SGSM2: variants seen among roughly 807,000 people sequenced by gnomAD.
The protein encoded by SGSM2 is RUN and TBC1 domain containing 1.
A neutral mutation model predicts 126.6 loss-of-function variants in SGSM2; 89 were observed. That is an observed-to-expected ratio of 0.70 (90% CI 0.59 to 0.84). The LOEUF is 0.84. Ranked by LOEUF, SGSM2 falls within the 40% of genes least tolerant of loss-of-function variation. The probability of loss-of-function intolerance (pLI) is 0.00; values close to 1 mark genes in which losing one functional copy is unlikely to be tolerated. For missense variants in SGSM2, 1,404 were observed against 1,416.6 expected, an observed-to-expected ratio of 0.99 and a Z score of 0.14; for synonymous variants, 614 against 574.3, an observed-to-expected ratio of 1.07 and a Z score of -0.99.
At chr17:2,371,534 C>T (rs2065872988) in intron 13 of SGSM2, 119 bp downstream of exon 13, 1 of 1,281,962 alleles carries the variant, frequency 7.8e-7, no homozygotes, top group East Asian at 2.5e-5. Context: ...TGGGACAGAT[C>T]TGGGTTCAAA....
At chr17:2,369,456 G>C (rs997613354) in intron 12 of SGSM2, among the ~76,000 whole-genome samples, 2 of 152,166 alleles carry the variant, frequency 1.3e-5, no homozygotes, top group African/African-American at 4.8e-5. Flanking sequence ...TCAGAGGAGA[G>C]AGTCAGAGTC....
At chr17:2,368,625 T>G (rs1264711782) in intron 12 of SGSM2, among the ~76,000 whole-genome samples, 2 of 152,160 alleles carry the variant, frequency 1.3e-5, no homozygotes, top group Non-Finnish European at 2.9e-5. Flanking sequence ...AGCTGCCAGC[T>G]GCCCTCCTAC....
rs2064151388 is a variant in SGSM2 at position 2,337,884 on chromosome 17, G to T, written c.57+139G>T. On this transcript the variant is annotated intron_variant, in intron 1 of 23. Transcript: ENST00000268989. This position sits in a 1 kb window ranked among gnomAD's most constrained non-coding sequence, Gnocchi z 5.1. Reference sequence around the variant, plus strand: ...GCGGGGCGGGTCCTGGACGGGCTGCGCCTCCTTCCCCTTTCTCGGATGGGG... The same window carrying T: ...GCGGGGCGGGTCCTGGACGGGCTGCTCCTCCTTCCCCTTTCTCGGATGGGG... 2.2e-6 allele frequency: 1 copy of T among 449,076 alleles called. No individual in the cohort carries two copies. The allele number at this position is 449,076 out of a possible 1,614,324, so 27.8% of individuals were successfully genotyped here. A position where few individuals can be genotyped will look rare whatever the true frequency, so the allele number is the denominator to read the frequency against.
chr17:2,338,240 G>C (rs969266701), intron 1 of SGSM2, among the ~76,000 whole-genome samples: 3 of 152,154 alleles, frequency 2.0e-5, no homozygotes, highest in African/African-American at 7.2e-5. Flanking sequence ...GATCGCTGCC[G>C]GAGGGGTGCG....
In SGSM2 at chr17:2,375,912, C is replaced by G. The variant is rs758180247; in HGVS notation, c.2484+37C>G. The G allele has an allele frequency of 3.2e-5, 48 of 1,508,934 alleles. No individual in the cohort carries two copies. The African/African-American group carries it at 6.4e-4, about 20-fold the overall frequency. The allele number at this position is 1,508,934 out of a possible 1,614,324, so 93.5% of individuals were successfully genotyped here. On this transcript the variant is annotated intron_variant, in intron 18 of 23. Coordinates refer to ENST00000268989, the MANE Select transcript of SGSM2 (RefSeq NM_014853.3). Reference sequence around the variant, plus strand: ...CTCCCCAGGCTGTTCCCAGCCGCCCCAGAGGCCCTCCTGACATCCCAGAGC... The same window carrying G: ...CTCCCCAGGCTGTTCCCAGCCGCCCGAGAGGCCCTCCTGACATCCCAGAGC...
Position 2,373,051 on chromosome 17 carries a change from G to A in SGSM2, c.1887G>A (p.Lys629=). The change falls in exon 16 of 24, where the codon AAG becomes AAA. Residue 629 remains lysine, a synonymous_variant. Coordinates refer to ENST00000268989, the MANE Select transcript of SGSM2 (RefSeq NM_014853.3). The stretch of plus-strand genomic sequence containing the variant: ...GGCCCTTTCTGCTTGGCCACTACAA[G>A]TTCGGCATGAGCAAGAAGGAGATGG... ...DVWPFLLGHY[K]FGMSKKEMEQ... The A allele has an allele frequency of 6.2e-7, 1 of 1,610,318 alleles. No homozygotes were observed. The highest frequency in any genetic ancestry group is 8.5e-7 in the Non-Finnish European group (1 of 1,178,668).
intron 1 of SGSM2, among the ~76,000 whole-genome samples, chr17:2,340,370 G>A (rs2064295485): frequency 6.6e-6 from 1 of 152,020 alleles, no homozygotes; most frequent in Admixed American, 6.6e-5. Context: ...CCAAGGTGCT[G>A]GGATTACAGG....
In SGSM2 at chr17:2,362,028, A is replaced by G; in HGVS notation, c.297-81A>G. ...GTTCTCTGTGCTCCCATCTTGGGGT[A>G]CCAAGCCCCACTCCCAATGCCAGCA... On this transcript the variant is annotated intron_variant, in intron 3 of 23. Transcript: ENST00000268989. This position sits in a 1 kb window ranked among gnomAD's most constrained non-coding sequence, Gnocchi z 4.9. 7.9e-6 allele frequency: 12 copies of G among 1,509,496 alleles called. No homozygotes were observed. Among genetic ancestry groups the G allele is most frequent in the Non-Finnish European group, 1.1e-5 (12 of 1,123,618 alleles). The allele number at this position is 1,509,496 out of a possible 1,614,324, so 93.5% of individuals were successfully genotyped here. A position where few individuals can be genotyped will look rare whatever the true frequency, so the allele number is the denominator to read the frequency against.
chr17:2,367,272 C>G lies in SGSM2; in HGVS notation c.1290C>G (p.Ile430Met). 6.2e-7 allele frequency: 1 copy of G among 1,612,510 alleles called. No individual in the cohort carries two copies. The highest frequency in any genetic ancestry group is 8.5e-7 in the Non-Finnish European group (1 of 1,179,356). ...IIYPGHRHEH[I>M]TINYHHLAAS... ...CCTCTCGCTGTTCTCTTTGAGCAGT[C>G]ACTATTAACTACCACCACCTAGCGG... The change falls in exon 12 of 24, where the codon ATC (isoleucine) becomes ATG (methionine). Residue 430 changes from isoleucine (I) to methionine (M), a missense_variant and splice_region_variant. Transcript: ENST00000268989. The surrounding 1 kb of genome is among the most constrained non-coding windows in gnomAD (Gnocchi z 4.0).
Position 2,368,451 on chromosome 17 carries a change from C to T in SGSM2, c.1423+1046C>T, listed in dbSNP as rs888834792. Among the ~76,000 whole-genome samples the T allele has an allele frequency of 2.0e-5, 3 of 152,186 alleles. 1 individual carries two copies. The highest frequency in any genetic ancestry group is 2.0e-4 in the Admixed American group (3 of 15,278). ...AAAATCAATTGCTTCTCCCTTTCCC[C>T]GCCCCTGCAGAGGATGTCCTCAGAA... On this transcript the variant is annotated intron_variant, in intron 12 of 23. Coordinates refer to ENST00000268989, the MANE Select transcript of SGSM2 (RefSeq NM_014853.3).
At chr17:2,371,987 G>T (rs1032815068) in intron 13 of SGSM2, 6 of 583,550 alleles carry the variant, frequency 1.0e-5, no homozygotes, top group Non-Finnish European at 1.8e-5. Flanking sequence ...GGTGGTTGGG[G>T]GCCAGGCGGG....
Position 2,375,688 on chromosome 17 carries a change from C to A in SGSM2, c.2297C>A (p.Ser766Ter). The A allele has an allele frequency of 6.2e-7, 1 of 1,613,870 alleles. No homozygotes were observed. Among genetic ancestry groups the A allele is most frequent in the South Asian group, 1.1e-5 (1 of 91,072 alleles). ...RNYSVASGIQ[S>*]SLDEGQSVGF... ...TACTCCGTGGCCTCGGGCATCCAGT[C>A]AAGCCTAGATGAGGGGCAGAGCGTG... Residue 766 changes from serine to a stop codon, truncating the protein, a stop_gained, in exon 18 of 24, where the codon TCA becomes TAA. Coordinates refer to ENST00000268989, the MANE Select transcript of SGSM2 (RefSeq NM_014853.3). LOFTEE classifies it high-confidence loss of function.
Position 2,367,137 on chromosome 17 carries a change from C to T in SGSM2, c.1289-134C>T. The T allele has an allele frequency of 1.9e-6, 2 of 1,042,668 alleles. No individual in the cohort carries two copies. Among genetic ancestry groups the T allele is most frequent in the Non-Finnish European group, 2.7e-6 (2 of 742,696 alleles). 64.6% of individuals were successfully genotyped at this position (1,042,668 alleles called of 1,614,324 possible). A position where few individuals can be genotyped will look rare whatever the true frequency, so the allele number is the denominator to read the frequency against. On this transcript the variant is annotated intron_variant, in intron 11 of 23. Transcript: ENST00000268989. This position sits in a 1 kb window ranked among gnomAD's most constrained non-coding sequence, Gnocchi z 4.0. ...ATCATCCAAAGAGCTTTCTGGTCCC[C>T]TCCCTTCCCCTCTTCTGTGCCCTGC...
intron 2 of SGSM2, among the ~76,000 whole-genome samples, chr17:2,352,793 T>C: frequency 8.4e-6 from 1 of 118,640 alleles, no homozygotes; most frequent in South Asian, 2.8e-4. Flanking sequence ...TTTTTTTTTT[T>C]TTGAGACGGA....
At chr17:2,346,994 T>G (rs1449289039) in intron 2 of SGSM2, among the ~76,000 whole-genome samples, 1 of 152,028 alleles carries the variant, frequency 6.6e-6, no homozygotes, top group Non-Finnish European at 1.5e-5. Flanking sequence ...GAGGCTGAGG[T>G]AGGAGGATCA....
At chr17:2,359,935 C>T (rs143913182) in intron 2 of SGSM2, among the ~76,000 whole-genome samples, 1 of 152,266 alleles carries the variant, frequency 6.6e-6, no homozygotes, top group African/African-American at 2.4e-5. Context: ...CAGCCCAGGA[C>T]CAAGAGACTG....
chr17:2,340,647 C>T (rs1240424047), intron 1 of SGSM2, among the ~76,000 whole-genome samples: 2 of 151,412 alleles, frequency 1.3e-5, no homozygotes, highest in Non-Finnish European at 2.9e-5. Flanking sequence ...TGCCGTGGCG[C>T]CATCTCAGCT....
In SGSM2 at chr17:2,362,260, GAAAACTGCAGGTGACCGCCCCGTTCCCCA is replaced by G. The variant is rs2065343231; in HGVS notation, c.458+7_458+35del. 3 of 1,610,514 alleles carry G rather than the reference GAAAACTGCAGGTGACCGCCCCGTTCCCCA, an allele frequency of 1.9e-6. No individual in the cohort carries two copies. Among genetic ancestry groups the G allele is most frequent in the African/African-American group, 2.7e-5 (2 of 74,608 alleles). ...GGACAAGGTCGTGCAATACCTGGCG[GAAAACTGCAGGTGACCGCCCCGTTCCCCA>G]AAAACTGCAGGTGACCACCCCGTTC... On this transcript the variant is annotated splice_donor_variant and splice_donor_5th_base_variant and coding_sequence_variant and intron_variant, in exon 4 of 24. Transcript: ENST00000268989. LOFTEE classifies it high-confidence loss of function. This position sits in a 1 kb window ranked among gnomAD's most constrained non-coding sequence, Gnocchi z 4.9.
intron 13 of SGSM2, chr17:2,371,785 C>T (rs1469772102): frequency 7.9e-6 from 3 of 380,688 alleles, no homozygotes; most frequent in Admixed American, 4.4e-5. Flanking sequence ...ACAGGCCGTC[C>T]ACCTGAGGAC....
Sources: allele counts gnomAD v4.1 joint callset (sites outside exome capture counted in the v4.1 genomes callset), GRCh38; gene constraint gnomAD v4.1.1; non-coding constraint Gnocchi (gnomAD v3.1); transcripts MANE v1.5; gene names NCBI Gene and HGNC (gene_info 2026-07-23, HGNC 2026-07-21).